Variants in DPEP1 observed in about 807,000 individuals in gnomAD.
The protein encoded by DPEP1 is beta-lactamase.
In DPEP1, 50 loss-of-function variants were observed where a neutral mutation model predicts 42.3. The observed-to-expected ratio is 1.18, with a 90% confidence interval of 0.94 to 1.50. DPEP1 has a LOEUF of 1.50. DPEP1 is among the 40% of genes most tolerant of loss of function. The pLI is 0.00. For synonymous variants in DPEP1, 297 were observed against 234.0 expected (o/e 1.27, Z -2.46); for missense variants, 663 against 553.0 (o/e 1.20, Z -1.99).
rs757495124 is a variant in DPEP1, at chr16:89,637,967, A to G, written c.1061A>G (p.Glu354Gly). 5.0e-6 allele frequency: 8 copies of G among 1,608,444 alleles called. No homozygotes were observed. Among genetic ancestry groups the G allele is most frequent in the Non-Finnish European group, 6.8e-6 (8 of 1,178,150 alleles). Reference protein sequence around the residue: ...DNLLRVFEAVEQASNLTQAPE... With the variant: ...DNLLRVFEAVGQASNLTQAPE... ...CTGCTGAGGGTCTTCGAGGCTGTGG[A>G]ACAGGTGAGGATGGGGTGGCCACCT... The change falls in exon 10 of 11, where the codon GAA becomes GGA. Residue 354 changes from glutamate to glycine, a missense_variant. Coordinates refer to ENST00000690203, the MANE Select transcript of DPEP1 (RefSeq NM_001389466.1).
chr16:89,621,702 C>T (rs888443052), intron 1 of DPEP1, among the ~76,000 whole-genome samples: 4 of 152,206 alleles, frequency 2.6e-5, no homozygotes, highest in South Asian at 2.1e-4. Flanking sequence ...TGCGCGTGTG[C>T]GGCTCACCTG....
rs199875830 is a variant in DPEP1 at position 89,637,787 on chromosome 16, G to A, written c.930-49G>A. ...CAGAGGGATGAGGTGGCTGGAGGAG[G>A]GACCTGTGTCCTAGTGTGGGGGCCC... On this transcript the variant is annotated intron_variant, in intron 9 of 10. Transcript: ENST00000690203. The A allele has an allele frequency of 1.3e-4, 207 of 1,612,626 alleles. No individual in the cohort carries two copies. In the East Asian group the frequency reaches 4.1e-3, roughly 32 times the overall value.
At chr16:89,640,000 C>T (rs1332281166), downstream of DPEP1, among the ~76,000 whole-genome samples, 2 of 152,178 alleles carry the variant, frequency 1.3e-5, no homozygotes, top group East Asian at 3.8e-4. Flanking sequence ...AATGGGGAGG[C>T]AGGGTCTGCA....
At chr16:89,640,505 T>C, downstream of DPEP1, 1 of 947,340 alleles carries the variant, frequency 1.1e-6, no homozygotes, top group Non-Finnish European at 1.3e-6. Context: ...CAGCAGCCCC[T>C]GCAGGCGGCT....
chr16:89,618,684 G>C (rs895307000), intron 1 of DPEP1, among the ~76,000 whole-genome samples: 1 of 152,030 alleles, frequency 6.6e-6, no homozygotes, highest in African/African-American at 2.4e-5. Flanking sequence ...TGTCTGTAGA[G>C]ACGAGGTCTC....
chr16:89,630,450 T>G lies in DPEP1; in HGVS notation c.40T>G (p.Cys14Gly), dbSNP rs751558611. ...GTGGCTGTGGCCCCTTGTGGCCGTC[T>G]GCACTGCAGACTTCTTTCGGGACGA... Reference protein sequence around the residue: ...GWWLWPLVAVCTADFFRDEAE... With the variant: ...GWWLWPLVAVGTADFFRDEAE... The change falls in exon 2 of 11, where the codon TGC becomes GGC. Residue 14 changes from cysteine to glycine, a missense_variant. Physicochemically the swap from Cys to Gly is radical, Grantham distance 159. Transcript: ENST00000690203. 1.2e-6 allele frequency: 2 copies of G among 1,611,424 alleles called. No homozygotes were observed. The highest frequency in any genetic ancestry group is 1.7e-6 in the Non-Finnish European group (2 of 1,179,182).
At chr16:89,625,590 G>A (rs532531507) in intron 1 of DPEP1, among the ~76,000 whole-genome samples, 10 of 152,314 alleles carry the variant, frequency 6.6e-5, no homozygotes, top group African/African-American at 2.4e-4. Context: ...GGTTGGACGA[G>A]GGGAGGCTCT....
intron 1 of DPEP1, among the ~76,000 whole-genome samples, chr16:89,627,568 C>G (rs1016251353): frequency 6.7e-6 from 1 of 148,840 alleles, no homozygotes; most frequent in Non-Finnish European, 1.5e-5. Context: ...TACTGAGACT[C>G]TGTCTCAGAG....
At chr16:89,627,224 G>C (rs1302940582) in intron 1 of DPEP1, among the ~76,000 whole-genome samples, 1 of 147,752 alleles carries the variant, frequency 6.8e-6, no homozygotes, top group Non-Finnish European at 1.5e-5. Flanking sequence ...AGTGAGCTGA[G>C]GTTGCGCCAC....
At chr16:89,634,196 G>A (rs953122833) in intron 2 of DPEP1, among the ~76,000 whole-genome samples, 4 of 147,296 alleles carry the variant, frequency 2.7e-5, no homozygotes, top group African/African-American at 1.0e-4. Flanking sequence ...TCCTGCCATT[G>A]TCCTGCCTCA....
chr16:89,614,718 C>G (rs2059365149), intron 1 of DPEP1, among the ~76,000 whole-genome samples: 2 of 152,184 alleles, frequency 1.3e-5, no homozygotes, highest in South Asian at 4.1e-4. Context: ...TGGCGTGAAC[C>G]CGGGAGGCGG....
downstream of DPEP1, among the ~76,000 whole-genome samples, chr16:89,641,136 A>G (rs2059739618): frequency 6.6e-6 from 1 of 152,222 alleles, no homozygotes; most frequent in Non-Finnish European, 1.5e-5. Context: ...AGCCAGGCGT[A>G]CTGGGTGGAA....
At chr16:89,621,695 G>A (rs1208979665) in intron 1 of DPEP1, among the ~76,000 whole-genome samples, 3 of 152,224 alleles carry the variant, frequency 2.0e-5, no homozygotes, top group Admixed American at 6.5e-5. Flanking sequence ...GAGCAGGTGC[G>A]CGTGTGCGGC....
intron 2 of DPEP1, among the ~76,000 whole-genome samples, chr16:89,632,208 C>T (rs1000132061): frequency 2.0e-5 from 3 of 152,160 alleles, no homozygotes; most frequent in African/African-American, 7.2e-5. Context: ...CGCCACCAAG[C>T]CCGGCTAATT....
chr16:89,633,269 G>T (rs907176754), intron 2 of DPEP1, among the ~76,000 whole-genome samples: 1 of 152,244 alleles, frequency 6.6e-6, no homozygotes, highest in African/African-American at 2.4e-5. Context: ...TGCCAGCCCA[G>T]GCTGTCATGT....
intron 1 of DPEP1, among the ~76,000 whole-genome samples, chr16:89,621,420 T>C (rs1186688163): frequency 1.3e-5 from 2 of 151,960 alleles, no homozygotes; most frequent in Non-Finnish European, 2.9e-5. Context: ...GCCTGCAGAT[T>C]GAGGGGCCTG....
At chr16:89,624,000 A>G (rs1016866325) in intron 1 of DPEP1, among the ~76,000 whole-genome samples, 1 of 152,266 alleles carries the variant, frequency 6.6e-6, no homozygotes. Flanking sequence ...TCCACCACAC[A>G]TGCACAGACG....
Position 89,637,517 on chromosome 16 carries a change from C to T in DPEP1, c.818C>T (p.Ser273Phe). The T allele has an allele frequency of 1.2e-6, 2 of 1,612,816 alleles. No individual in the cohort carries two copies. Among genetic ancestry groups the T allele is most frequent in the South Asian group, 1.1e-5 (1 of 91,084 alleles). Reference protein sequence around the residue: ...VMVNFYNNYISCTNKANLSQV... With the variant: ...VMVNFYNNYIFCTNKANLSQV... ...GTGAACTTCTACAACAATTACATTT[C>T]CTGCACCAACAAGGCCAACCTGTCC... Residue 273 changes from serine to phenylalanine, a missense_variant, in exon 8 of 11, where the codon TCC (serine) becomes TTC (phenylalanine). Transcript: ENST00000690203.
chr16:89,635,257 C>G (rs1415531418), intron 2 of DPEP1, among the ~76,000 whole-genome samples: 1 of 151,216 alleles, frequency 6.6e-6, no homozygotes, highest in Admixed American at 6.6e-5. Flanking sequence ...AGCTCCTACC[C>G]TCACCACCAC....
Sources: gnomAD v4.1 joint callset for allele counts (sites outside exome capture counted in the v4.1 genomes callset) on GRCh38, gnomAD v4.1.1 for gene constraint, MANE v1.5 for transcripts, NCBI Gene and HGNC (gene_info 2026-07-23, HGNC 2026-07-21) for gene names.